STX8: variants seen among roughly 807,000 people sequenced by gnomAD.
The protein encoded by STX8 is syntaxin-8.
Under a neutral mutation model 37.5 loss-of-function variants are expected in STX8, and 23 were observed. The observed-to-expected ratio is 0.61, with a 90% CI of 0.44 to 0.87. The LOEUF is 0.87. STX8 is among the 40% of genes least tolerant of loss of function. The pLI, the probability that STX8 is intolerant of heterozygous loss-of-function variation, is 0.00. For synonymous variants in STX8, 115 were observed against 99.1 expected, an observed-to-expected ratio of 1.16 and a Z score of -0.95; for missense variants, 313 against 284.7, an observed-to-expected ratio of 1.10 and a Z score of -0.71.
chr17:9,517,333 G>T (rs1328733403), intron 4 of STX8, among the ~76,000 whole-genome samples: 2 of 151,974 alleles, frequency 1.3e-5, no homozygotes, highest in Non-Finnish European at 2.9e-5. Context: ...GACACTGAAA[G>T]AAAAACATGG....
intron 7 of STX8, among the ~76,000 whole-genome samples, chr17:9,348,736 G>A (rs1407382582): frequency 1.3e-5 from 2 of 152,176 alleles, no homozygotes; most frequent in Admixed American, 6.5e-5. Flanking sequence ...CTTTCAGGAT[G>A]TAAATCTAAA....
intron 3 of STX8, 184 bp downstream of exon 3, chr17:9,557,250 C>G: frequency 1.8e-6 from 1 of 548,652 alleles, no homozygotes; most frequent in South Asian, 2.0e-5. Flanking sequence ...GCTTTGCCAG[C>G]ATATTCACTG....
intron 5 of STX8, among the ~76,000 whole-genome samples, chr17:9,495,120 G>A (rs1314924891): frequency 6.6e-6 from 1 of 152,074 alleles, no homozygotes; most frequent in Non-Finnish European, 1.5e-5. Context: ...TAATTCATCT[G>A]GAATTTATTT....
At chr17:9,546,162 A>T (rs576407592) in intron 3 of STX8, among the ~76,000 whole-genome samples, 1 of 152,210 alleles carries the variant, frequency 6.6e-6, no homozygotes, top group Non-Finnish European at 1.5e-5. Context: ...TCAGTTCACT[A>T]TTTAAATACA....
At chr17:9,502,761 C>T (rs551268426) in intron 5 of STX8, among the ~76,000 whole-genome samples, 129 of 152,206 alleles carry the variant, frequency 8.5e-4, no homozygotes, top group African/African-American at 3.0e-3. Flanking sequence ...TGAATGGATA[C>T]ACAGATTGTG....
chr17:9,379,740 A>C (rs1278231848), intron 6 of STX8, among the ~76,000 whole-genome samples: 4 of 152,102 alleles, frequency 2.6e-5, no homozygotes, highest in Non-Finnish European at 5.9e-5. Context: ...AGGCCGAGGC[A>C]GGAGGATCAC....
At chr17:9,480,199 G>A (rs1906265777) in intron 6 of STX8, among the ~76,000 whole-genome samples, 2 of 152,150 alleles carry the variant, frequency 1.3e-5, no homozygotes, top group African/African-American at 4.8e-5. Context: ...GGAGGGGAAG[G>A]AGCCGTGACA....
chr17:9,449,673 T>C (rs1295502448), intron 6 of STX8, among the ~76,000 whole-genome samples: 1 of 152,092 alleles, frequency 6.6e-6, no homozygotes, highest in Admixed American at 6.5e-5. Flanking sequence ...AAATCTTAAA[T>C]GCATTATGCT....
At chr17:9,556,753 ATATATATATATAT>A (rs1906980903) in intron 3 of STX8, 3 of 4,150 alleles carry the variant, frequency 7.2e-4, no homozygotes, top group Non-Finnish European at 1.1e-3. Context: ...TTTCTAAAAT[ATATATATATATAT>A]ATATATATAT....
intron 7 of STX8, among the ~76,000 whole-genome samples, chr17:9,365,173 T>TA (rs1911191495): frequency 6.6e-6 from 1 of 152,264 alleles, no homozygotes; most frequent in Non-Finnish European, 1.5e-5. Context: ...GTATTTTTTT[T>TA]ATGTGAATTT....
At chr17:9,548,752 T>C (rs1906649806) in intron 3 of STX8, among the ~76,000 whole-genome samples, 2 of 151,980 alleles carry the variant, frequency 1.3e-5, no homozygotes, top group Admixed American at 6.6e-5. Context: ...AAATATAACA[T>C]TAAACCAAAG....
intron 7 of STX8, among the ~76,000 whole-genome samples, chr17:9,362,867 T>C (rs535212088): frequency 8.2e-6 from 1 of 121,680 alleles, no homozygotes; most frequent in Non-Finnish European, 1.8e-5. Flanking sequence ...AAATAAATAA[T>C]CTCTTTCTTG....
chr17:9,329,004 C>T (rs868731158), intron 7 of STX8, among the ~76,000 whole-genome samples: 4 of 137,002 alleles, frequency 2.9e-5, no homozygotes, highest in Non-Finnish European at 4.6e-5. Flanking sequence ...GAGCTGAGAT[C>T]GCGCCACTGC....
rs370620083 is a variant in STX8 at position 9,503,542 on chromosome 17, C to G, written c.448+1496G>C. 7.4e-4 allele frequency among the ~76,000 whole-genome samples: 113 copies of G among 152,070 alleles called. 2 individuals carry two copies. In the South Asian group the frequency reaches 0.022, roughly 29 times the overall value. On this transcript the variant is annotated intron_variant, in intron 5 of 7. Coordinates refer to ENST00000306357, the MANE Select transcript of STX8 (RefSeq NM_004853.3). ...CTCCTCCTCCCTCTTCCTTTTTATTCATTAATTTTTTTAAAGATGGGATTT... is the reference window on the plus strand; with the variant it reads ...CTCCTCCTCCCTCTTCCTTTTTATTGATTAATTTTTTTAAAGATGGGATTT...
chr17:9,376,627 C>T (rs1229714043), intron 7 of STX8, among the ~76,000 whole-genome samples: 1 of 152,196 alleles, frequency 6.6e-6, no homozygotes, highest in East Asian at 1.9e-4. Flanking sequence ...CTTGCTGCTG[C>T]TCACTCTTTC....
At chr17:9,257,975 CGA>C (rs1906866270) in intron 7 of STX8, among the ~76,000 whole-genome samples, 1 of 152,120 alleles carries the variant, frequency 6.6e-6, no homozygotes, top group African/African-American at 2.4e-5. Flanking sequence ...GGTGACAGAG[CGA>C]GATTTTGTTT....
rs1382359337 is a variant in STX8, at chr17:9,250,563, G to T, written c.*15C>A. On this transcript the variant is annotated 3_prime_UTR_variant, in exon 8 of 8. Transcript: ENST00000306357. ...TCATTGGCAGGTGTCACTGCTGGTG[G>T]TCTCTTTACTGCCATCAGTTGGTCG... The T allele has an allele frequency of 5.7e-6, 9 of 1,582,458 alleles. No homozygotes were observed. The highest frequency in any genetic ancestry group is 7.7e-6 in the Non-Finnish European group (9 of 1,163,804).
In STX8 at chr17:9,299,211, G is replaced by A. The variant is rs148194552; in HGVS notation, c.644-48566C>T. Among the ~76,000 whole-genome samples, 69 of 152,076 alleles carry A rather than the reference G, an allele frequency of 4.5e-4. 1 individual carries two copies. Among genetic ancestry groups the A allele is most frequent in the Non-Finnish European group, 6.3e-4 (43 of 67,990 alleles). ...CGCAGGCACAGTGACCTTTTCTCCC[G>A]GATGCATAGCTCATCATAGTTTTCC... On this transcript the variant is annotated intron_variant, in intron 7 of 7. Coordinates refer to ENST00000306357, the MANE Select transcript of STX8 (RefSeq NM_004853.3).
At chr17:9,284,615 A>G (rs1908010968) in intron 7 of STX8, among the ~76,000 whole-genome samples, 1 of 152,226 alleles carries the variant, frequency 6.6e-6, no homozygotes, top group African/African-American at 2.4e-5. Flanking sequence ...TTAAAAGTGT[A>G]TAAAGCTACT....
Sources: gnomAD v4.1 joint callset for allele counts (sites outside exome capture counted in the v4.1 genomes callset) on GRCh38, gnomAD v4.1.1 for gene constraint, MANE v1.5 for transcripts, NCBI Gene and HGNC (gene_info 2026-07-23, HGNC 2026-07-21) for gene names.